Variants in RTN4 observed in about 807,000 individuals in gnomAD.
RTN4 encodes the protein reticulon-4.
A neutral mutation model predicts 90.4 loss-of-function variants in RTN4; 32 were observed. That is an observed-to-expected ratio of 0.35 (90% CI 0.27 to 0.48). The LOEUF (loss-of-function observed/expected upper bound fraction) is 0.48. RTN4 is among the 20% of genes least tolerant of loss of function. The probability of loss-of-function intolerance (pLI) is 0.99; values close to 1 mark genes in which losing one functional copy is unlikely to be tolerated. For synonymous variants in RTN4, 629 were observed against 552.5 expected, an observed-to-expected ratio of 1.14 and a Z score of -1.94; for missense variants, 1,706 against 1,430.2, an observed-to-expected ratio of 1.19 and a Z score of -3.11.
At chr2:55,029,429 G>A (rs1050469950) in intron 1 of RTN4, among the ~76,000 whole-genome samples, 1 of 152,142 alleles carries the variant, frequency 6.6e-6, no homozygotes, top group African/African-American at 2.4e-5. Flanking sequence ...GTTTACACTA[G>A]AGAAAGGCCT....
chr2:55,104,201 C>G (rs1216484547), intron 1 of RTN4, among the ~76,000 whole-genome samples: 1 of 151,560 alleles, frequency 6.6e-6, no homozygotes, highest in African/African-American at 2.4e-5. Context: ...CAGACACGCA[C>G]CACCACACAC....
chr2:55,090,285 CAG>C (rs1401294372), intron 1 of RTN4, among the ~76,000 whole-genome samples: 2 of 152,172 alleles, frequency 1.3e-5, no homozygotes, highest in Non-Finnish European at 2.9e-5. Flanking sequence ...CAGTTTAAAA[CAG>C]AGAGACCCAA....
chr2:55,129,528 C>T, the RTN4 span, among the ~76,000 whole-genome samples: 6,645 of 152,114 alleles, frequency 0.044, 472 homozygotes, highest in African/African-American at 0.15. Flanking sequence ...TTACAGAGAG[C>T]TATGATTGCA....
intron 3 of RTN4, among the ~76,000 whole-genome samples, chr2:55,016,146 C>T (rs989604704): frequency 4.6e-5 from 7 of 152,028 alleles, no homozygotes; most frequent in Non-Finnish European, 1.0e-4. Context: ...CTAAGGAACA[C>T]TAAGTACAAA....
chr2:55,089,953 C>T (rs1312249402), intron 1 of RTN4, among the ~76,000 whole-genome samples: 2 of 152,214 alleles, frequency 1.3e-5, no homozygotes, highest in Admixed American at 6.5e-5. Context: ...GTCCCCACCC[C>T]AAGCAGCTGT....
chr2:55,111,996 G>T lies in RTN4; in HGVS notation c.-214+524C>A, dbSNP rs531569370. 3.3e-5 allele frequency among the ~76,000 whole-genome samples: 5 copies of T among 152,216 alleles called. No individual in the cohort carries two copies. In the South Asian group the frequency reaches 1.0e-3, roughly 32 times the overall value. On this transcript the variant is annotated intron_variant, in intron 1 of 3. Coordinates refer to the RTN4 transcript ENST00000427710. ...GCAGTTAATTGCAATGAGTCTCTGG[G>T]GATCCTGCTCCAATGGCGACACTCA...
At chr2:55,021,988 C>G (rs900737085) in intron 3 of RTN4, among the ~76,000 whole-genome samples, 2 of 152,148 alleles carry the variant, frequency 1.3e-5, no homozygotes, top group Non-Finnish European at 2.9e-5. Context: ...AAAGAGAATG[C>G]CCAAGCATTG....
Position 54,987,614 on chromosome 2 carries a change from A to T in RTN4, c.3098T>A (p.Val1033Glu). 6.2e-7 allele frequency: 1 copy of T among 1,614,212 alleles called. No homozygotes were observed. Among genetic ancestry groups the T allele is most frequent in the Non-Finnish European group, 8.5e-7 (1 of 1,180,020 alleles). ...GGCTGTTACGCTCACAATGCTGAAT[A>T]CTGTCAATGAAAGCAGCAGGAATAG... ...ASLFLLLSLT[V>E]FSIVSVTAYI... Residue 1033 changes from valine (V) to glutamate (E), a missense_variant, in exon 4 of 9, where the codon GTA becomes GAA. Transcript: ENST00000337526.
At chr2:55,121,905 A>G in the RTN4 span, among the ~76,000 whole-genome samples, 5 of 152,176 alleles carry the variant, frequency 3.3e-5, no homozygotes, top group Non-Finnish European at 5.9e-5. Context: ...GAAAACATAC[A>G]GAAAAACAAA....
chr2:55,076,748 G>A (rs998169534), intron 2 of RTN4, among the ~76,000 whole-genome samples: 1 of 152,054 alleles, frequency 6.6e-6, no homozygotes, highest in African/African-American at 2.4e-5. Context: ...TGTCTTGGGA[G>A]GGACCCAGTG....
chr2:55,043,651 C>T (rs549469761), intron 1 of RTN4, among the ~76,000 whole-genome samples: 1 of 152,112 alleles, frequency 6.6e-6, no homozygotes, highest in African/African-American at 2.4e-5. Context: ...TGTGGGACAC[C>T]GAGGCAGGTG....
intron 2 of RTN4, among the ~76,000 whole-genome samples, chr2:55,064,482 C>G (rs960458006): frequency 1.3e-5 from 2 of 151,514 alleles, no homozygotes; most frequent in Non-Finnish European, 2.9e-5. Flanking sequence ...TCCCAAGTAG[C>G]TGGGATTACA....
chr2:55,027,760 T>C (rs900599060), intron 2 of RTN4, among the ~76,000 whole-genome samples: 1 of 152,162 alleles, frequency 6.6e-6, no homozygotes, highest in Admixed American at 6.6e-5. Context: ...TCAACTAAGA[T>C]ACTAATAGCT....
chr2:55,080,041 C>T (rs1668679854), intron 2 of RTN4, among the ~76,000 whole-genome samples: 2 of 152,078 alleles, frequency 1.3e-5, no homozygotes, highest in Admixed American at 1.3e-4. Context: ...TTTGGGGGGA[C>T]AGGGGACAGG....
chr2:54,998,683 C>G lies in RTN4; in HGVS notation c.3014-10985G>C, dbSNP rs115674902. ...CCATTACCTACATCATTAATGCTTG[C>G]TGCACTGTCTGAATAGCGGCCAGAT... On this transcript the variant is annotated intron_variant, in intron 3 of 8. Transcript: ENST00000337526. Among the ~76,000 whole-genome samples, 658 of 152,244 alleles carry G rather than the reference C, an allele frequency of 4.3e-3. 7 individuals are homozygous for G. The highest frequency in any genetic ancestry group is 0.015 in the African/African-American group (618 of 41,558).
intron 1 of RTN4, among the ~76,000 whole-genome samples, chr2:55,031,293 T>C (rs1267330460): frequency 6.6e-6 from 1 of 152,228 alleles, no homozygotes; most frequent in Non-Finnish European, 1.5e-5. Flanking sequence ...ATGACTACGC[T>C]GCTTTCTGTC....
chr2:55,066,685 C>G (rs1227965797), intron 2 of RTN4, among the ~76,000 whole-genome samples: 1 of 142,856 alleles, frequency 7.0e-6, no homozygotes. Context: ...CAGCAAGACT[C>G]CATCTCAAAA....
At chr2:54,987,439 C>T in intron 4 of RTN4, 52 bp downstream of exon 4, 2 of 1,287,062 alleles carry the variant, frequency 1.6e-6, no homozygotes, top group South Asian at 1.2e-5. Flanking sequence ...GTCTTAATAC[C>T]AATCCTGTTT....
chr2:55,112,962 C>T (rs530224203), upstream of RTN4, among the ~76,000 whole-genome samples: 6 of 152,316 alleles, frequency 3.9e-5, no homozygotes, highest in African/African-American at 1.4e-4. Context: ...TCTCTAGACA[C>T]ATGACAACAA....
Sources: gnomAD v4.1 joint callset for allele counts (sites outside exome capture counted in the v4.1 genomes callset) on GRCh38, gnomAD v4.1.1 for gene constraint, MANE v1.5 for transcripts, NCBI Gene and HGNC (gene_info 2026-07-23, HGNC 2026-07-21) for gene names.